DPP6: variants seen among roughly 807,000 people sequenced by gnomAD.
The protein encoded by DPP6 is A-type potassium channel modulatory protein DPP6.
DPP6 carries 69 observed loss-of-function variants against 122.6 expected under a neutral mutation model. The ratio of observed to expected loss-of-function variants is 0.56; its 90% CI spans 0.46 to 0.69. The LOEUF (loss-of-function observed/expected upper bound fraction) is 0.69, where lower values mean the gene tolerates loss of function less well. Ranked by LOEUF, DPP6 falls within the 30% of genes least tolerant of loss-of-function variation. The probability of loss-of-function intolerance (pLI) is 0.00; values close to 1 mark genes in which losing one functional copy is unlikely to be tolerated. For missense variants in DPP6, 928 were observed against 1,116.9 expected, an observed-to-expected ratio of 0.83 and a Z score of 2.41; for synonymous variants, 418 against 433.1, an observed-to-expected ratio of 0.97 and a Z score of 0.43.
chr7:154,805,062 G>A, intron 15 of DPP6, 98 bp downstream of exon 15: 1 of 1,473,640 alleles, frequency 6.8e-7, no homozygotes, highest in Non-Finnish European at 9.2e-7. Context: ...AAGGGCGGCA[G>A]CAAAGACAGA....
chr7:154,588,212 G>A, intron 5 of DPP6: 1 of 1,450,602 alleles, frequency 6.9e-7, no homozygotes. Flanking sequence ...CCCGCAGAGT[G>A]TCCCAGAGGA....
chr7:153,874,315 G>T, the DPP6 span, among the ~76,000 whole-genome samples: 9 of 151,640 alleles, frequency 5.9e-5, no homozygotes, highest in South Asian at 8.3e-4. Flanking sequence ...GAACCAGAAA[G>T]AACTTATTAG....
intron 1 of DPP6, among the ~76,000 whole-genome samples, chr7:153,913,104 T>C (rs751051706): frequency 6.6e-6 from 1 of 152,168 alleles, no homozygotes; most frequent in Non-Finnish European, 1.5e-5. Flanking sequence ...AGATGGAATC[T>C]CACTCTGTCG....
chr7:154,839,073 T>G (rs777913440), intron 16 of DPP6, among the ~76,000 whole-genome samples: 56 of 152,144 alleles, frequency 3.7e-4, no homozygotes, highest in Non-Finnish European at 1.2e-4. Context: ...AGCTCCTTGA[T>G]TAAATAGTAA....
At chr7:153,793,581 C>T in the DPP6 span, among the ~76,000 whole-genome samples, 3 of 151,382 alleles carry the variant, frequency 2.0e-5, no homozygotes, top group Non-Finnish European at 4.4e-5. Context: ...AAAAGAAACA[C>T]CTATTTTCTG....
At position 153,896,735 on chromosome 7, in the gene DPP6, C is replaced by T. The variant is rs529606511; in HGVS notation, c.51+9001C>T. Among the ~76,000 whole-genome samples the T allele has an allele frequency of 1.7e-3, 262 of 152,304 alleles. 1 individual carries two copies. The highest frequency in any genetic ancestry group is 3.1e-3 in the Non-Finnish European group (209 of 68,016). On this transcript the variant is annotated intron_variant, in intron 1 of 25. Transcript: ENST00000404039. ...GGCTGAGGCAGGAGGATCTTTTGAG[C>T]CCATGAGATTGAGGCTGCCGTGGGC...
chr7:154,548,791 A>G (rs1829409024), intron 4 of DPP6, among the ~76,000 whole-genome samples: 1 of 152,216 alleles, frequency 6.6e-6, no homozygotes. Context: ...TTGTTTTAAC[A>G]TAATATATTT....
rs141589196 is a variant in DPP6, at chr7:154,185,182, G to A, written c.243+132119G>A. Among the ~76,000 whole-genome samples, 417 of 152,326 alleles carry A rather than the reference G, an allele frequency of 2.7e-3. 1 individual carries two copies. The highest frequency in any genetic ancestry group is 9.7e-3 in the African/African-American group (402 of 41,578). Reference sequence around the variant, plus strand: ...TAATCACAAAGCATTCAAATGTATGGTATGCATTGTAGGCTATTAACATAA... The same window carrying A: ...TAATCACAAAGCATTCAAATGTATGATATGCATTGTAGGCTATTAACATAA... On this transcript the variant is annotated intron_variant, in intron 1 of 25. Transcript: ENST00000377770.
intron 1 of DPP6, among the ~76,000 whole-genome samples, chr7:153,900,837 G>C (rs781540022): frequency 1.6e-4 from 25 of 152,084 alleles, no homozygotes; most frequent in Non-Finnish European, 3.4e-4. Flanking sequence ...GTAGCAAAGA[G>C]GTCTACAAGC....
intron 1 of DPP6, chr7:154,026,838 A>G (rs1798977452): frequency 6.6e-6 from 1 of 152,204 alleles, no homozygotes; most frequent in Non-Finnish European, 1.5e-5. Flanking sequence ...AATCTTTCAT[A>G]TGAGCTTGTT....
rs574219325 is a variant in DPP6 at position 154,515,722 on chromosome 7, C to T, written c.458-24810C>T. Among the ~76,000 whole-genome samples, 1,396 of 152,246 alleles carry T rather than the reference C, an allele frequency of 9.2e-3. 27 individuals carry two copies. The highest frequency in any genetic ancestry group is 6.7e-3 in the Non-Finnish European group (454 of 68,024). ...TCGAAATCCTGACCTGATCCGCCCT[C>T]GTCGGCCTCCCAAAGTGCTGGGATT... On this transcript the variant is annotated intron_variant, in intron 3 of 25. Coordinates refer to ENST00000377770, the MANE Select transcript of DPP6 (RefSeq NM_130797.4).
At chr7:153,940,793 T>G (rs1801662100) in intron 1 of DPP6, among the ~76,000 whole-genome samples, 1 of 152,204 alleles carries the variant, frequency 6.6e-6, no homozygotes, top group African/African-American at 2.4e-5. Flanking sequence ...GTCTCTACTC[T>G]TTAAGCCCCA....
chr7:154,344,226 G>A (rs1426553728), intron 1 of DPP6, among the ~76,000 whole-genome samples: 1 of 152,162 alleles, frequency 6.6e-6, no homozygotes, highest in Non-Finnish European at 1.5e-5. Flanking sequence ...TCACGTCTGT[G>A]TTCTAACACC....
intron 4 of DPP6, among the ~76,000 whole-genome samples, chr7:154,562,780 A>G (rs996672352): frequency 2.1e-4 from 32 of 152,202 alleles, no homozygotes; most frequent in Non-Finnish European, 3.5e-4. Context: ...TGAATTTTGC[A>G]TATTAGCAAT....
chr7:154,151,248 A>T (rs11770768), intron 1 of DPP6, among the ~76,000 whole-genome samples: 2,909 of 152,156 alleles, frequency 0.019, 27 homozygotes, highest in Non-Finnish European at 0.028. Context: ...TGCTTGCCCC[A>T]GGCCTCTCCC....
chr7:154,395,168 G>A (rs1433070351), intron 1 of DPP6, among the ~76,000 whole-genome samples: 1 of 152,188 alleles, frequency 6.6e-6, no homozygotes, highest in Non-Finnish European at 1.5e-5. Flanking sequence ...AATGATGAAA[G>A]GGACAAACAG....
chr7:153,800,317 G>A, the DPP6 span, among the ~76,000 whole-genome samples: 2 of 152,092 alleles, frequency 1.3e-5, no homozygotes, highest in South Asian at 2.1e-4. Flanking sequence ...GAAATAAACC[G>A]GGCACAAAAA....
chr7:154,460,264 G>A (rs1821180450), intron 2 of DPP6, among the ~76,000 whole-genome samples: 1 of 152,174 alleles, frequency 6.6e-6, no homozygotes, highest in Non-Finnish European at 1.5e-5. Flanking sequence ...TTATAGGCAT[G>A]AGCCACCGTG....
At chr7:153,755,377 T>C in the DPP6 span, among the ~76,000 whole-genome samples, 1 of 143,708 alleles carries the variant, frequency 7.0e-6, no homozygotes, top group African/African-American at 2.6e-5. Flanking sequence ...ACTCAGTCTC[T>C]TTTTTATTTT....
Sources: gnomAD v4.1 joint callset for allele counts (sites outside exome capture counted in the v4.1 genomes callset) on GRCh38, gnomAD v4.1.1 for gene constraint, MANE v1.5 for transcripts, NCBI Gene and HGNC (gene_info 2026-07-23, HGNC 2026-07-21) for gene names.